BPIFB4: variants seen among roughly 807,000 people sequenced by gnomAD.
The protein encoded by BPIFB4 is BPI fold-containing family B member 4.
BPIFB4 carries 62 observed loss-of-function variants against 69.2 expected under a neutral mutation model. The observed-to-expected ratio is 0.90, with a 90% confidence interval of 0.73 to 1.11. BPIFB4 has a LOEUF of 1.11. Among genes scored for constraint, BPIFB4 ranks in the 50% least tolerant of loss-of-function variants. The probability of loss-of-function intolerance (pLI) is 0.00; values close to 1 mark genes in which losing one functional copy is unlikely to be tolerated. For synonymous variants in BPIFB4, 330 were observed against 332.7 expected (o/e 0.99, Z 0.09); for missense variants, 789 against 792.0 (o/e 1.00, Z 0.04).
rs970495382 is a variant in BPIFB4 at position 33,100,305 on chromosome 20, A to G, written c.1570-121A>G. ...GGTCTGACCCAGGCCTCGGGGAACA[A>G]CCTGCCATCATGCTCAGGGTTAACG... On this transcript the variant is annotated intron_variant, in intron 13 of 17. Coordinates refer to ENST00000375483, the MANE Select transcript of BPIFB4 (RefSeq NM_182519.3). 1.8e-5 allele frequency: 14 copies of G among 772,058 alleles called. No homozygotes were observed. In the African/African-American group the frequency reaches 2.4e-4, roughly 13 times the overall value. The allele number at this position is 772,058 out of a possible 1,614,324, so 47.8% of individuals were successfully genotyped here.
At chr20:33,101,561 T>C (rs1028838761) in intron 14 of BPIFB4, among the ~76,000 whole-genome samples, 2 of 151,824 alleles carry the variant, frequency 1.3e-5, no homozygotes, top group Non-Finnish European at 2.9e-5. Flanking sequence ...TCTTTCTTTT[T>C]CTTTTCTTTT....
At chr20:33,108,436 T>TATATATACACACACAC (rs1271417747) in intron 17 of BPIFB4, among the ~76,000 whole-genome samples, 11 of 148,514 alleles carry the variant, frequency 7.4e-5, no homozygotes, top group African/African-American at 2.2e-4. Context: ...TATATATATA[T>TATATATACACACACAC]AGACATATAT....
intron 7 of BPIFB4, 106 bp downstream of exon 7, chr20:33,086,270 G>A (rs1198896029): frequency 7.1e-7 from 1 of 1,409,820 alleles, no homozygotes; most frequent in African/African-American, 1.4e-5. Context: ...GGGTGGGCAG[G>A]ACGATGATGC....
intron 11 of BPIFB4, 82 bp from the exon 12 acceptor site, chr20:33,095,018 A>G: frequency 7.5e-7 from 1 of 1,334,588 alleles, no homozygotes; most frequent in South Asian, 1.2e-5. Flanking sequence ...TAAAGCATGT[A>G]GGAGTTTAAT....
rs139427098 is a variant in BPIFB4, at chr20:33,082,898, A to G, written c.107-40A>G. ...CTGCCTGGGGGCTGGAGGTGGAAAA[A>G]AGGGAGGAACCCTGGACTGATGCCC... On this transcript the variant is annotated intron_variant, in intron 3 of 17. Transcript: ENST00000375483. 9,323 of 1,583,856 alleles carry G rather than the reference A, an allele frequency of 5.9e-3. 40 individuals are homozygous for G. The highest frequency in any genetic ancestry group is 7.0e-3 in the Non-Finnish European group (8,121 of 1,152,924).
At chr20:33,088,300 C>A (rs1981493574) in intron 7 of BPIFB4, among the ~76,000 whole-genome samples, 1 of 150,262 alleles carries the variant, frequency 6.7e-6, no homozygotes, top group Admixed American at 6.6e-5. Flanking sequence ...GAGATTTTAC[C>A]ACTACACTCC....
chr20:33,091,561 G>A (rs146841903), intron 10 of BPIFB4, among the ~76,000 whole-genome samples: 3 of 152,366 alleles, frequency 2.0e-5, no homozygotes, highest in Non-Finnish European at 2.9e-5. Flanking sequence ...CCGTGCTCCC[G>A]TGTATACAGG....
Position 33,083,642 on chromosome 20 carries a change from C to T in BPIFB4, c.445C>T (p.Arg149Trp), listed in dbSNP as rs372134125. 24 of 1,613,944 alleles carry T rather than the reference C, an allele frequency of 1.5e-5. No individual in the cohort carries two copies. In the East Asian group the frequency reaches 1.6e-4, roughly 10 times the overall value. The change falls in exon 5 of 18, where the codon CGG (arginine) becomes TGG (tryptophan). Residue 149 changes from arginine (R) to tryptophan (W), a missense_variant. Arg to Trp is a moderately radical substitution (Grantham distance 101, BLOSUM62 -3). Around this residue, in one of 3 missense-constraint regions of BPIFB4, gnomAD observed 611 missense variants for 575.4 expected, o/e 1.06. Coordinates refer to ENST00000375483, the MANE Select transcript of BPIFB4 (RefSeq NM_182519.3). ...YRAAPVGRLH[R>W]RELQPGEIPP... ...GGCAGCACCTGTGGGCAGGCTTCAC[C>T]GGCGAGAGCTGCAGCCTGGAGAAAT...
chr20:33,108,492 C>A (rs1298780347), intron 17 of BPIFB4, among the ~76,000 whole-genome samples: 1 of 146,282 alleles, frequency 6.8e-6, no homozygotes, highest in African/African-American at 2.6e-5. Flanking sequence ...CTTTTCATTC[C>A]AGTCTTTCTG....
In BPIFB4 at chr20:33,089,150, C is replaced by CT. The variant is rs779531485; in HGVS notation, c.990+121_990+122insT. On this transcript the variant is annotated intron_variant, in intron 8 of 17. Coordinates refer to ENST00000375483, the MANE Select transcript of BPIFB4 (RefSeq NM_182519.3). ...CCCAGAGGGACAGAGAGAGCCAAGGCCTGGGGCATGTATTTGGAGGGTCTG... is the reference window on the plus strand; with the variant it reads ...CCCAGAGGGACAGAGAGAGCCAAGGCTCTGGGGCATGTATTTGGAGGGTCTG... 8.7e-4 allele frequency: 1,289 copies of CT among 1,476,162 alleles called. 1 individual carries two copies. Among genetic ancestry groups the CT allele is most frequent in the Non-Finnish European group, 1.2e-3 (1,247 of 1,077,928 alleles). The allele number at this position is 1,476,162 out of a possible 1,614,324, so 91.4% of individuals were successfully genotyped here.
intron 16 of BPIFB4, among the ~76,000 whole-genome samples, chr20:33,105,215 A>G (rs966986566): frequency 1.3e-5 from 2 of 152,210 alleles, no homozygotes; most frequent in Non-Finnish European, 2.9e-5. Context: ...ACATCTGAGC[A>G]TATTTCCTTC....
Position 33,082,682 on chromosome 20 carries a change from C to T in BPIFB4, c.107-256C>T, listed in dbSNP as rs112968603. 1.2e-3 allele frequency among the ~76,000 whole-genome samples: 178 copies of T among 152,172 alleles called. No homozygotes were observed. The East Asian group carries it at 0.014, about 12-fold the overall frequency. On this transcript the variant is annotated intron_variant, in intron 3 of 17. Transcript: ENST00000375483. Reference sequence around the variant, plus strand: ...AGTGCAGAGCACTTAGAAGGGAGGGCGATGAAGAAAATCCATGAAGGGCTG... The same window carrying T: ...AGTGCAGAGCACTTAGAAGGGAGGGTGATGAAGAAAATCCATGAAGGGCTG...
intron 12 of BPIFB4, among the ~76,000 whole-genome samples, chr20:33,097,159 T>C (rs1981778444): frequency 6.6e-6 from 1 of 152,116 alleles, no homozygotes; most frequent in Non-Finnish European, 1.5e-5. Flanking sequence ...CCCACAGACA[T>C]GCACTGGAAT....
rs781671675 is a variant in BPIFB4 at position 33,089,519 on chromosome 20, G to C, written c.1012G>C (p.Val338Leu). The C allele has an allele frequency of 6.2e-6, 10 of 1,614,244 alleles. No homozygotes were observed. Among genetic ancestry groups the C allele is most frequent in the Middle Eastern group, 3.3e-4 (2 of 6,062 alleles). The part of the protein sequence containing the change: ...PDLLCPIVDV[V>L]LGLVNDQLGL... ...GCAGCTCTGCCCCATCGTGGATGTG[G>C]TGCTGGGTCTTGTCAATGACCAGCT... Residue 338 changes from valine (V) to leucine (L), a missense_variant, in exon 9 of 18, where the codon GTG becomes CTG. Physicochemically the swap from Val to Leu is conservative, Grantham distance 32 (BLOSUM62 1). Coordinates refer to ENST00000375483, the MANE Select transcript of BPIFB4 (RefSeq NM_182519.3).
chr20:33,104,024 A>T (rs922350370), intron 15 of BPIFB4, among the ~76,000 whole-genome samples: 3 of 152,034 alleles, frequency 2.0e-5, no homozygotes, highest in African/African-American at 7.2e-5. Flanking sequence ...TTTGGGTATT[A>T]TTATTACACC....
chr20:33,088,152 C>T (rs1348995390), intron 7 of BPIFB4, among the ~76,000 whole-genome samples: 2 of 151,948 alleles, frequency 1.3e-5, no homozygotes, highest in Non-Finnish European at 2.9e-5. Flanking sequence ...TGTTTATCGT[C>T]GATTTTCCTC....
In BPIFB4 at chr20:33,083,679, T is replaced by C. The variant is rs1432897507; in HGVS notation, c.482T>C (p.Val161Ala). The C allele has an allele frequency of 2.5e-5, 40 of 1,613,604 alleles. No homozygotes were observed. Among genetic ancestry groups the C allele is most frequent in the Non-Finnish European group, 3.1e-5 (36 of 1,179,914 alleles). The change falls in exon 5 of 18, where the codon GTT becomes GCT. Residue 161 changes from valine (V) to alanine (A), a missense_variant. Physicochemically the swap from Val to Ala is moderately conservative, Grantham distance 64. This residue lies in a region of BPIFB4 where 611 missense variants were observed against 575.4 expected (regional missense o/e 1.06). Coordinates refer to ENST00000375483, the MANE Select transcript of BPIFB4 (RefSeq NM_182519.3). ...ELQPGEIPPG[V>A]ATGAVGPGGL... ...CAGCCTGGAGAAATCCCACCTGGAG[T>C]TGCCACTGGGGCGGTGGGCCCAGGT...
chr20:33,102,497 C>T (rs1372188504), intron 14 of BPIFB4, among the ~76,000 whole-genome samples: 3 of 152,214 alleles, frequency 2.0e-5, no homozygotes, highest in African/African-American at 7.2e-5. Context: ...GTTCAGGGTG[C>T]GAGGCCTAGG....
chr20:33,083,720 G>A lies in BPIFB4; in HGVS notation c.523G>A (p.Gly175Arg), dbSNP rs746814649. ...GGGCCCAGGTGGTTTGCTGGGCACT[G>A]GAGGCATGCTGGCAGCTGATGGCAT... is the stretch of plus-strand genomic sequence containing the variant. Reference protein sequence around the residue: ...AVGPGGLLGTGGMLAADGILA... With the variant: ...AVGPGGLLGTRGMLAADGILA... Residue 175 changes from glycine to arginine, a missense_variant, in exon 5 of 18, where the codon GGA becomes AGA. Physicochemically the swap from Gly to Arg is moderately radical, Grantham distance 125. This residue lies in a region of BPIFB4 where 611 missense variants were observed against 575.4 expected (regional missense o/e 1.06). Coordinates refer to ENST00000375483, the MANE Select transcript of BPIFB4 (RefSeq NM_182519.3). 1 of 1,614,054 alleles carries A rather than the reference G, an allele frequency of 6.2e-7. No homozygotes were observed. Among genetic ancestry groups the A allele is most frequent in the Non-Finnish European group, 8.5e-7 (1 of 1,179,982 alleles).
Sources: allele counts gnomAD v4.1 joint callset (sites outside exome capture counted in the v4.1 genomes callset), GRCh38; gene constraint gnomAD v4.1.1; regional missense constraint gnomAD v4.1.1; transcripts MANE v1.5; gene names NCBI Gene and HGNC (gene_info 2026-07-23, HGNC 2026-07-21).